ECT2L: variants seen among roughly 807,000 people sequenced by gnomAD.
ECT2L encodes epithelial cell transforming 2 like.
Under a neutral mutation model 122.8 loss-of-function variants are expected in ECT2L, and 126 were observed. That is an observed-to-expected ratio of 1.03 (90% CI 0.89 to 1.19). ECT2L has a LOEUF of 1.19. ECT2L is among the 50% of genes most tolerant of loss of function. The pLI, the probability that ECT2L is intolerant of heterozygous loss-of-function variation, is 0.00. For synonymous variants in ECT2L, 385 were observed against 381.8 expected, an observed-to-expected ratio of 1.01 and a Z score of -0.10; for missense variants, 1,012 against 1,064.1, an observed-to-expected ratio of 0.95 and a Z score of 0.68.
chr6:138,842,888 G>C (rs889273353), intron 5 of ECT2L, 91 bp from the exon 6 acceptor site: 81 of 1,205,620 alleles, frequency 6.7e-5, no homozygotes, highest in Non-Finnish European at 8.8e-5. Context: ...AAATCTCAGT[G>C]TAATGAAAAA....
chr6:138,891,062 G>A (rs1779006093), intron 20 of ECT2L, among the ~76,000 whole-genome samples: 1 of 152,112 alleles, frequency 6.6e-6, no homozygotes, highest in African/African-American at 2.4e-5. Context: ...GGCCATGATA[G>A]GAAGGGGGGA....
intron 13 of ECT2L, among the ~76,000 whole-genome samples, chr6:138,869,035 C>A (rs1476068384): frequency 6.6e-6 from 1 of 152,096 alleles, no homozygotes; most frequent in Non-Finnish European, 1.5e-5. Context: ...GGCATGGTGG[C>A]GGGCACCTGT....
Position 138,849,389 on chromosome 6 carries a change from G to C in ECT2L, c.1024G>C (p.Gly342Arg). Residue 342 changes from glycine (G) to arginine (R), a missense_variant, in exon 9 of 22, where the codon GGA becomes CGA. By Grantham distance (125) the Gly-to-Arg change is moderately radical (BLOSUM62 -2). Transcript: ENST00000541398. Reference sequence around the variant, plus strand: ...GGATGGGCAGAAGGCACAGAGCATCGGAATATTTAGCGATGGAGACAGCAG... The same window carrying C: ...GGATGGGCAGAAGGCACAGAGCATCCGAATATTTAGCGATGGAGACAGCAG... ...ALDGQKAQSI[G>R]IFSDGDSREI... The C allele has an allele frequency of 1.9e-6, 3 of 1,613,786 alleles. No individual in the cohort carries two copies. Among genetic ancestry groups the C allele is most frequent in the Non-Finnish European group, 2.5e-6 (3 of 1,179,928 alleles).
chr6:138,846,818 C>A, intron 8 of ECT2L, 141 bp downstream of exon 8: 2 of 1,037,036 alleles, frequency 1.9e-6, no homozygotes, highest in Non-Finnish European at 2.6e-6. Context: ...GAAAATCAAG[C>A]CAGGTGTGGT....
rs752608962 is a variant in ECT2L at position 138,862,690 on chromosome 6, C to G, written c.1262C>G (p.Thr421Ser). ...ACTGGCACGTTCTTTACGGCCCCCA[C>G]TGGGATTGCAACTGGCTCTTACCAG... is the stretch of plus-strand genomic sequence containing the variant. ...QLTGTFFTAP[T>S]GIATGSYQHI... is the part of the protein sequence containing the mutation. Residue 421 changes from threonine (T) to serine (S), a missense_variant, in exon 11 of 22, where the codon ACT (threonine) becomes AGT (serine). Coordinates refer to ENST00000541398, the MANE Select transcript of ECT2L (RefSeq NM_001077706.3). 1.2e-6 allele frequency: 2 copies of G among 1,614,200 alleles called. No individual in the cohort carries two copies. Among genetic ancestry groups the G allele is most frequent in the East Asian group, 4.5e-5 (2 of 44,892 alleles).
In ECT2L at chr6:138,862,659, C is replaced by CAACT. The variant is rs779747050; in HGVS notation, c.1236_1239dup (p.Gly414AsnfsTer21). 3.7e-6 allele frequency: 6 copies of CAACT among 1,614,190 alleles called. No homozygotes were observed. Among genetic ancestry groups the CAACT allele is most frequent in the Non-Finnish European group, 5.1e-6 (6 of 1,180,012 alleles). On this transcript the variant is annotated frameshift_variant, in exon 11 of 22. Transcript: ENST00000541398. LOFTEE classifies it high-confidence loss of function. ...AATTGAAGTTCTTTCCCAGCTGTCT[C>CAACT]AACTAACTGGCACGTTCTTTACGGC...
At chr6:138,801,154 A>G (rs1003368999) in intron 1 of ECT2L, among the ~76,000 whole-genome samples, 19 of 152,354 alleles carry the variant, frequency 1.2e-4, no homozygotes, top group African/African-American at 4.3e-4. Flanking sequence ...CATTCAAACC[A>G]TAGCAATTAT....
At chr6:138,889,108 GCATTCAGTA>G in intron 20 of ECT2L, 77 bp downstream of exon 20, 1 of 699,390 alleles carries the variant, frequency 1.4e-6, no homozygotes, top group Non-Finnish European at 2.3e-6. Flanking sequence ...TGTAGCTCCA[GCATTCAGTA>G]CAATGTCTGA....
chr6:138,850,522 G>A (rs1777400407), intron 9 of ECT2L, among the ~76,000 whole-genome samples: 1 of 60,914 alleles, frequency 1.6e-5, no homozygotes, highest in South Asian at 7.5e-4. Context: ...GGGCATGTAT[G>A]TATATAGTAT....
chr6:138,808,145 A>G (rs943736616), intron 1 of ECT2L, among the ~76,000 whole-genome samples: 2 of 152,182 alleles, frequency 1.3e-5, no homozygotes, highest in Admixed American at 6.5e-5. Flanking sequence ...TCACAGATGT[A>G]TACTCTTCTT....
intron 20 of ECT2L, among the ~76,000 whole-genome samples, chr6:138,900,058 C>T (rs1779347487): frequency 2.0e-5 from 3 of 152,224 alleles, no homozygotes; most frequent in Non-Finnish European, 4.4e-5. Context: ...TGGTAGCAAC[C>T]TCAGCAAAAA....
At chr6:138,813,092 T>C (rs911967864) in intron 2 of ECT2L, 80 bp from the exon 3 acceptor site, 3 of 506,730 alleles carry the variant, frequency 5.9e-6, no homozygotes, top group African/African-American at 5.8e-5. Context: ...ACATGAATTA[T>C]AATTCTATCT....
chr6:138,843,353 A>G, intron 6 of ECT2L, 122 bp downstream of exon 6: 2 of 997,696 alleles, frequency 2.0e-6, no homozygotes, highest in Non-Finnish European at 2.8e-6. Context: ...AGTCTTAAGT[A>G]TTTTCCAGAT....
chr6:138,903,166 T>C lies in ECT2L; in HGVS notation c.*539T>C, dbSNP rs146062337. On this transcript the variant is annotated 3_prime_UTR_variant, in exon 22 of 22. Coordinates refer to ENST00000541398, the MANE Select transcript of ECT2L (RefSeq NM_001077706.3). ...TGAGGTCAGGAGTTTGAGACCAGCC[T>C]CACCAACATGGAGAAACCCCGTCTC... The C allele has an allele frequency of 6.5e-6, 1 of 153,384 alleles. No individual in the cohort carries two copies. Among genetic ancestry groups the C allele is most frequent in the Non-Finnish European group, 1.4e-5 (1 of 69,130 alleles). The allele number at this position is 153,384 out of a possible 1,614,324, so 9.5% of individuals were successfully genotyped here. A position where few individuals can be genotyped will look rare whatever the true frequency, so the allele number is the denominator to read the frequency against.
Position 138,902,720 on chromosome 6 carries a change from A to G in ECT2L, c.*93A>G, listed in dbSNP as rs768086708. ...TCCAAAATATCCAGTAAGAAACAGAATAACTGTCATGGATGATGAGATAAA... is the reference window on the plus strand; with the variant it reads ...TCCAAAATATCCAGTAAGAAACAGAGTAACTGTCATGGATGATGAGATAAA... On this transcript the variant is annotated 3_prime_UTR_variant, in exon 22 of 22. Transcript: ENST00000541398. The G allele has an allele frequency of 2.4e-5, 35 of 1,441,928 alleles. No individual in the cohort carries two copies. Among genetic ancestry groups the G allele is most frequent in the Admixed American group, 5.7e-5 (3 of 52,758 alleles). 89.3% of individuals were successfully genotyped at this position (1,441,928 alleles called of 1,614,324 possible). A position where few individuals can be genotyped will look rare whatever the true frequency, so the allele number is the denominator to read the frequency against.
intron 20 of ECT2L, among the ~76,000 whole-genome samples, chr6:138,890,976 T>G (rs1037019207): frequency 2.6e-5 from 4 of 152,224 alleles, no homozygotes; most frequent in African/African-American, 9.6e-5. Flanking sequence ...AATAAAATTC[T>G]AGGCCTCCCA....
Position 138,885,663 on chromosome 6 carries a change from G to A in ECT2L, c.2103-11G>A. ...CAGAGACCAGAGCTCCCTTCTCTAT[G>A]CCTCATACAGCCTGCCAGAGCTGCT... On this transcript the variant is annotated splice_polypyrimidine_tract_variant and intron_variant, in intron 17 of 21. Coordinates refer to ENST00000541398, the MANE Select transcript of ECT2L (RefSeq NM_001077706.3). The A allele has an allele frequency of 1.2e-6, 2 of 1,613,874 alleles. No homozygotes were observed. The highest frequency in any genetic ancestry group is 1.7e-6 in the Non-Finnish European group (2 of 1,179,890).
chr6:138,815,440 G>C (rs1043631697), intron 4 of ECT2L, among the ~76,000 whole-genome samples: 17 of 152,236 alleles, frequency 1.1e-4, no homozygotes, highest in Non-Finnish European at 1.8e-4. Context: ...ATCCAGCCAG[G>C]CTGGTAGCAG....
chr6:138,799,127 T>C (rs1338424516), intron 1 of ECT2L, among the ~76,000 whole-genome samples: 1 of 152,264 alleles, frequency 6.6e-6, no homozygotes, highest in African/African-American at 2.4e-5. Context: ...GTAAATTTAA[T>C]TCGGCTGAAG....
Sources: allele counts gnomAD v4.1 joint callset (sites outside exome capture counted in the v4.1 genomes callset), GRCh38; gene constraint gnomAD v4.1.1; transcripts MANE v1.5; gene names NCBI Gene and HGNC (gene_info 2026-07-23, HGNC 2026-07-21).